CCDC171: variants seen among roughly 807,000 people sequenced by gnomAD.
CCDC171 encodes the protein coiled-coil domain-containing protein 171.
CCDC171 carries 177 observed loss-of-function variants against 168.2 expected under a neutral mutation model. The observed-to-expected ratio is 1.05, with a 90% CI of 0.93 to 1.19. The LOEUF is 1.19. Ranked by LOEUF, CCDC171 falls within the 50% of genes most tolerant of loss-of-function variation. The pLI is 0.00. For missense variants in CCDC171, 1,991 were observed against 1,539.0 expected (o/e 1.29, Z -4.91); for synonymous variants, 687 against 540.8 (o/e 1.27, Z -3.75).
chr9:16,035,916 A>G (rs964338363), intron 7 of CCDC171, among the ~76,000 whole-genome samples: 5 of 152,200 alleles, frequency 3.3e-5, no homozygotes, highest in African/African-American at 4.8e-5. Context: ...GTGAAACACT[A>G]TCAACACCTT....
At chr9:15,655,537 T>G (rs1328444802) in intron 7 of CCDC171, among the ~76,000 whole-genome samples, 1 of 152,192 alleles carries the variant, frequency 6.6e-6, no homozygotes, top group East Asian at 1.9e-4. Flanking sequence ...AAACTGACTC[T>G]TGCCTGAAAA....
At chr9:16,085,310 T>G in the CCDC171 span, among the ~76,000 whole-genome samples, 3 of 152,222 alleles carry the variant, frequency 2.0e-5, no homozygotes, top group Non-Finnish European at 4.4e-5. Context: ...AGTAGAGTCT[T>G]ACGACACTGT....
chr9:16,105,598 G>T, the CCDC171 span, among the ~76,000 whole-genome samples: 1 of 152,280 alleles, frequency 6.6e-6, no homozygotes, highest in African/African-American at 2.4e-5. Context: ...ACCCGTCACG[G>T]GCCTCTCTGC....
rs1236504052 is a variant in CCDC171 at position 15,971,598 on chromosome 9, G to A, written c.3754-11G>A. 2 of 1,589,280 alleles carry A rather than the reference G, an allele frequency of 1.3e-6. No homozygotes were observed. Among genetic ancestry groups the A allele is most frequent in the Admixed American group, 1.7e-5 (1 of 58,598 alleles). On this transcript the variant is annotated splice_polypyrimidine_tract_variant and intron_variant, in intron 25 of 25. Transcript: ENST00000380701. ...TCTATGTTTATTATTTTTTTCTTTTGTATGTCACAGATAGGATCACGAGAC... is the reference window on the plus strand; with the variant it reads ...TCTATGTTTATTATTTTTTTCTTTTATATGTCACAGATAGGATCACGAGAC...
intron 2 of CCDC171, among the ~76,000 whole-genome samples, chr9:15,566,162 A>T (rs572519978): frequency 6.6e-6 from 1 of 151,306 alleles, no homozygotes; most frequent in African/African-American, 2.4e-5. Context: ...CATTGGTGAA[A>T]TGTCTCTTCA....
chr9:15,985,909 C>T (rs1282779571), intron 3 of CCDC171, among the ~76,000 whole-genome samples: 1 of 152,208 alleles, frequency 6.6e-6, no homozygotes, highest in Non-Finnish European at 1.5e-5. Flanking sequence ...TTGATGAAGT[C>T]AGATAGACTG....
intron 7 of CCDC171, among the ~76,000 whole-genome samples, chr9:15,635,082 G>A (rs1024306681): frequency 4.6e-5 from 7 of 152,246 alleles, no homozygotes; most frequent in Non-Finnish European, 4.4e-5. Flanking sequence ...GTTCTCTAAA[G>A]GGACAGAACT....
rs563817712 is a variant in CCDC171 at position 15,731,562 on chromosome 9, G to A, written c.2049+1764G>A. 2.1e-4 allele frequency among the ~76,000 whole-genome samples: 32 copies of A among 152,172 alleles called. 1 individual carries two copies. In the South Asian group the frequency reaches 6.2e-3, roughly 30 times the overall value. ...TTCATTCTTCTTTATGGTCACTAGC[G>A]TTCCATTTTATCACAGCACCACTAT... is the stretch of plus-strand genomic sequence containing the variant. On this transcript the variant is annotated intron_variant, in intron 16 of 25. Coordinates refer to ENST00000380701, the MANE Select transcript of CCDC171 (RefSeq NM_173550.4).
At chr9:15,934,416 GAAAGAAAAGGAAA>G (rs1255866816) in intron 25 of CCDC171, among the ~76,000 whole-genome samples, 3 of 147,658 alleles carry the variant, frequency 2.0e-5, no homozygotes, top group African/African-American at 5.0e-5. Context: ...GAAAAGAAAA[GAAAGAAAAGGAAA>G]AAAGAAAAGG....
intron 1 of CCDC171, among the ~76,000 whole-genome samples, chr9:16,055,792 C>A (rs1398380975): frequency 6.6e-6 from 1 of 152,240 alleles, no homozygotes. Flanking sequence ...ATGGTTCAAG[C>A]GGATTATTCC....
chr9:15,886,327 T>C (rs1053321688), intron 24 of CCDC171: 1 of 152,118 alleles, frequency 6.6e-6, no homozygotes, highest in East Asian at 1.9e-4. Flanking sequence ...AAGACATTTT[T>C]CCAAAGAACA....
intron 7 of CCDC171, among the ~76,000 whole-genome samples, chr9:15,630,201 C>A (rs868379792): frequency 6.6e-6 from 1 of 152,128 alleles, no homozygotes; most frequent in African/African-American, 2.4e-5. Flanking sequence ...TGTAAATGGG[C>A]TAAGTGCTCC....
chr9:16,039,590 T>C (rs1833538734), upstream of CCDC171, among the ~76,000 whole-genome samples: 1 of 152,202 alleles, frequency 6.6e-6, no homozygotes, highest in Admixed American at 6.5e-5. Flanking sequence ...CGCTGTTCCA[T>C]AAACTCGTCT....
chr9:16,102,490 G>A, the CCDC171 span, among the ~76,000 whole-genome samples: 1 of 90,136 alleles, frequency 1.1e-5, no homozygotes, highest in Admixed American at 9.2e-5. Flanking sequence ...ACGTGTGTTG[G>A]GGGGGGGCGG....
chr9:16,059,004 A>G (rs542930274), intron 1 of CCDC171, among the ~76,000 whole-genome samples: 1 of 152,294 alleles, frequency 6.6e-6, no homozygotes, highest in East Asian at 1.9e-4. Flanking sequence ...CTCCCTTCCA[A>G]GATGGTGCCT....
At chr9:15,941,221 A>T (rs772625029) in intron 25 of CCDC171, among the ~76,000 whole-genome samples, 2 of 152,010 alleles carry the variant, frequency 1.3e-5, no homozygotes, top group Non-Finnish European at 2.9e-5. Flanking sequence ...GAGTATTTAA[A>T]TATTTAAAGT....
At chr9:16,060,343 C>T (rs936126556) in intron 1 of CCDC171, among the ~76,000 whole-genome samples, 2 of 152,164 alleles carry the variant, frequency 1.3e-5, no homozygotes, top group African/African-American at 4.8e-5. Context: ...CTTTGCGTGG[C>T]GCCTCGAGAC....
chr9:15,842,495 C>T (rs568604998), intron 21 of CCDC171, among the ~76,000 whole-genome samples: 26 of 151,972 alleles, frequency 1.7e-4, no homozygotes, highest in Non-Finnish European at 3.2e-4. Context: ...CAGAATGATA[C>T]ACTTTGTATA....
At chr9:16,098,500 G>A in the CCDC171 span, among the ~76,000 whole-genome samples, 2 of 152,220 alleles carry the variant, frequency 1.3e-5, no homozygotes, top group Non-Finnish European at 2.9e-5. Context: ...ACACTCTTGA[G>A]TGTTGGAGTA....
Sources: allele counts gnomAD v4.1 joint callset (sites outside exome capture counted in the v4.1 genomes callset), GRCh38; gene constraint gnomAD v4.1.1; transcripts MANE v1.5; gene names NCBI Gene and HGNC (gene_info 2026-07-23, HGNC 2026-07-21).